The following MTFMT variants were observed in gnomAD, a reference collection of about 807,000 sequenced individuals.
MTFMT encodes methionyl-tRNA formyltransferase, mitochondrial.
MTFMT carries 47 observed loss-of-function variants against 51.8 expected under a neutral mutation model. That is an observed-to-expected ratio of 0.91 (90% confidence interval 0.72 to 1.16). The LOEUF (loss-of-function observed/expected upper bound fraction) is 1.16. MTFMT is among the 50% of genes most tolerant of loss of function. The pLI is 0.00. For synonymous variants in MTFMT, 196 were observed against 176.7 expected, an observed-to-expected ratio of 1.11 and a Z score of -0.87; for missense variants, 512 against 482.3, an observed-to-expected ratio of 1.06 and a Z score of -0.58.
rs1260548134 is a variant in MTFMT, at chr15:65,001,961, C to A, written c.*1101G>T. The A allele has an allele frequency of 6.6e-6, 1 of 152,078 alleles. No homozygotes were observed. Among genetic ancestry groups the A allele is most frequent in the Non-Finnish European group, 1.5e-5 (1 of 68,018 alleles). 9.4% of individuals were successfully genotyped at this position (152,078 alleles called of 1,614,324 possible). On this transcript the variant is annotated 3_prime_UTR_variant, in exon 9 of 9. Transcript: ENST00000220058. ...GATTATTAAATATTACCTACGTTTA[C>A]TACTTGGTTAAATCTAGCTGGTAGT...
intron 2 of MTFMT, among the ~76,000 whole-genome samples, chr15:65,024,836 T>C (rs1265792306): frequency 6.6e-6 from 1 of 152,152 alleles, no homozygotes; most frequent in Non-Finnish European, 1.5e-5. Context: ...GGGGACATAT[T>C]ACAATTTTAG....
At chr15:65,028,546 T>C (rs1377253160) in intron 1 of MTFMT, among the ~76,000 whole-genome samples, 1 of 151,720 alleles carries the variant, frequency 6.6e-6, no homozygotes, top group Middle Eastern at 3.4e-3. Context: ...GAGGGGTGTG[T>C]GGAGGAAGGA....
chr15:65,023,710 T>C lies in MTFMT; in HGVS notation c.504A>G (p.Thr168=). The C allele has an allele frequency of 6.2e-7, 1 of 1,613,674 alleles. No individual in the cohort carries two copies. Among genetic ancestry groups the C allele is most frequent in the Non-Finnish European group, 8.5e-7 (1 of 1,179,628 alleles). Residue 168 remains threonine (T), a synonymous_variant, in exon 3 of 9, where the codon ACA becomes ACG. Coordinates refer to ENST00000220058, the MANE Select transcript of MTFMT (RefSeq NM_139242.4). ...TTTGCATAATTGTTACTCCAGTAAC[T>C]GTGTCTCCGTGAAGCACTGTATGGA... The part of the protein sequence containing the change: ...PVIHTVLHGD[T]VTGVTIMQIR...
intron 7 of MTFMT, among the ~76,000 whole-genome samples, chr15:65,005,398 G>T (rs1003771809): frequency 6.6e-6 from 1 of 152,152 alleles, no homozygotes; most frequent in Non-Finnish European, 1.5e-5. Flanking sequence ...GCAGGATGCT[G>T]ATGGGCCTCA....
intron 6 of MTFMT, among the ~76,000 whole-genome samples, chr15:65,013,199 T>C (rs969632022): frequency 6.6e-6 from 1 of 152,170 alleles, no homozygotes; most frequent in Non-Finnish European, 1.5e-5. Flanking sequence ...ATAGAAGACA[T>C]TTAACTTTGA....
chr15:65,021,601 T>A lies in MTFMT; in HGVS notation c.558A>T (p.Pro186=). The change falls in exon 4 of 9, where the codon CCA becomes CCT. Residue 186 remains proline, a synonymous_variant. Coordinates refer to ENST00000220058, the MANE Select transcript of MTFMT (RefSeq NM_139242.4). ...CAGGAACAGTTTCTTGTTTGAGAAT[T>A]GGGCCTACATCAAACCTAGCAAAAA... is the stretch of plus-strand genomic sequence containing the variant. ...QIRPKRFDVG[P]ILKQETVPVP... is the part of the protein sequence containing the mutation. The A allele has an allele frequency of 6.3e-7, 1 of 1,582,038 alleles. No homozygotes were observed. The highest frequency in any genetic ancestry group is 8.6e-7 in the Non-Finnish European group (1 of 1,156,734).
intron 5 of MTFMT, 93 bp downstream of exon 5, chr15:65,020,104 G>T: frequency 8.3e-7 from 1 of 1,201,284 alleles, no homozygotes; most frequent in East Asian, 2.5e-5. Context: ...TCAAAATTAA[G>T]GGAAAAGTAC....
chr15:65,001,977 A>G lies in MTFMT; in HGVS notation c.*1085T>C, dbSNP rs183355881. ...CTACGTTTACTACTTGGTTAAATCT[A>G]GCTGGTAGTGAAATGTAAAGAGCTG... On this transcript the variant is annotated 3_prime_UTR_variant, in exon 9 of 9. Transcript: ENST00000220058. 6.6e-6 allele frequency: 1 copy of G among 152,350 alleles called. No individual in the cohort carries two copies. Among genetic ancestry groups the G allele is most frequent in the East Asian group, 1.9e-4 (1 of 5,194 alleles). The allele number at this position is 152,350 out of a possible 1,614,324, so 9.4% of individuals were successfully genotyped here. A position where few individuals can be genotyped will look rare whatever the true frequency, so the allele number is the denominator to read the frequency against.
intron 8 of MTFMT, 97 bp downstream of exon 8, chr15:65,004,757 C>A: frequency 1.5e-6 from 1 of 663,900 alleles, no homozygotes; most frequent in Non-Finnish European, 2.4e-6. Context: ...AATCTATGGA[C>A]AGGCAGTTAA....
chr15:65,004,849 C>T lies in MTFMT; in HGVS notation c.975+5G>A. ...ATGATAACTTGAAACTAATGAAAAACATACCTTGCAATAAACCAATAGTAT... is the reference window on the plus strand; with the variant it reads ...ATGATAACTTGAAACTAATGAAAAATATACCTTGCAATAAACCAATAGTAT... On this transcript the variant is annotated splice_donor_5th_base_variant and intron_variant, in intron 8 of 8. Transcript: ENST00000220058. 1 of 1,571,756 alleles carries T rather than the reference C, an allele frequency of 6.4e-7. No homozygotes were observed.
At chr15:65,019,726 T>G (rs948498263) in intron 5 of MTFMT, among the ~76,000 whole-genome samples, 5 of 152,100 alleles carry the variant, frequency 3.3e-5, no homozygotes, top group African/African-American at 4.8e-5. Flanking sequence ...ATAAAATAAA[T>G]TTTTAGACAA....
At chr15:65,010,667 C>T (rs1361285392) in intron 6 of MTFMT, among the ~76,000 whole-genome samples, 2 of 152,100 alleles carry the variant, frequency 1.3e-5, no homozygotes, top group African/African-American at 2.4e-5. Flanking sequence ...TATGAAGATT[C>T]GGGTACACAT....
intron 6 of MTFMT, 126 bp from the exon 7 acceptor site, chr15:65,006,317 G>A: frequency 1.7e-6 from 1 of 595,324 alleles, no homozygotes; most frequent in East Asian, 3.7e-5. Flanking sequence ...CAGTCACTAA[G>A]TTTGATGGAA....
Position 65,016,459 on chromosome 15 carries a change from G to A in MTFMT, c.790C>T (p.Leu264Phe), listed in dbSNP as rs1284664817. The part of the protein sequence containing the change: ...EEQTSEQIFR[L>F]YRAIGNIIPL... ...ACTATATTTCCAATGGCACGGTAAA[G>A]TCTGAATATTTGTTCTGAAGTTTGT... Residue 264 changes from leucine to phenylalanine, a missense_variant, in exon 6 of 9, where the codon CTT becomes TTT. By Grantham distance (22) the Leu-to-Phe change is conservative (BLOSUM62 0). Transcript: ENST00000220058. 6.2e-7 allele frequency: 1 copy of A among 1,611,200 alleles called. No individual in the cohort carries two copies.
chr15:65,027,260 C>T (rs917975724), intron 1 of MTFMT, among the ~76,000 whole-genome samples: 31 of 150,234 alleles, frequency 2.1e-4, no homozygotes, highest in African/African-American at 7.4e-4. Flanking sequence ...TGCAGTGGAG[C>T]GATCTCAGCT....
At chr15:65,016,323 TTTTA>T (rs2086321960) in intron 6 of MTFMT, 109 bp downstream of exon 6, 1 of 645,646 alleles carries the variant, frequency 1.5e-6, no homozygotes, top group African/African-American at 1.8e-5. Flanking sequence ...AAGATCAACC[TTTTA>T]TTTGGGATAT....
chr15:65,018,311 T>C (rs1566942585), intron 5 of MTFMT, among the ~76,000 whole-genome samples: 1 of 152,062 alleles, frequency 6.6e-6, no homozygotes, highest in African/African-American at 2.4e-5. Flanking sequence ...AAAGGAAAAC[T>C]GTAAAGAAAT....
At chr15:65,006,915 A>C (rs1414411866) in intron 6 of MTFMT, among the ~76,000 whole-genome samples, 1 of 152,228 alleles carries the variant, frequency 6.6e-6, no homozygotes, top group East Asian at 1.9e-4. Flanking sequence ...ACACAGTGAT[A>C]GAGACAGGAG....
chr15:65,014,322 A>ATTTTT (rs35599676), intron 6 of MTFMT, among the ~76,000 whole-genome samples: 5 of 123,106 alleles, frequency 4.1e-5, no homozygotes, highest in Non-Finnish European at 3.3e-5. Flanking sequence ...ACACTATTTG[A>ATTTTT]TTTTTTTTTT....
Sources: allele counts gnomAD v4.1 joint callset (sites outside exome capture counted in the v4.1 genomes callset), GRCh38; gene constraint gnomAD v4.1.1; transcripts MANE v1.5; gene names NCBI Gene and HGNC (gene_info 2026-07-23, HGNC 2026-07-21).